The following MAD1L1 variants were observed in gnomAD, a reference collection of about 807,000 sequenced individuals.
MAD1L1 encodes the protein mitotic spindle assembly checkpoint protein MAD1.
In MAD1L1, 95 loss-of-function variants were observed where a neutral mutation model predicts 96.9. The observed-to-expected ratio is 0.98, with a 90% CI of 0.83 to 1.16. The LOEUF (loss-of-function observed/expected upper bound fraction) is 1.16, where lower values mean the gene tolerates loss of function less well. MAD1L1 is among the 50% of genes most tolerant of loss of function. The probability of loss-of-function intolerance (pLI) is 0.00; values close to 1 mark genes in which losing one functional copy is unlikely to be tolerated. For synonymous variants in MAD1L1, 473 were observed against 396.6 expected (o/e 1.19, Z -2.29); for missense variants, 1,007 against 954.4 (o/e 1.06, Z -0.73).
intron 12 of MAD1L1, among the ~76,000 whole-genome samples, chr7:2,061,966 C>T (rs984595958): frequency 1.3e-5 from 2 of 152,158 alleles, no homozygotes; most frequent in African/African-American, 2.4e-5. Context: ...GTGGGCCAGG[C>T]GCAGTGGCTC....
At chr7:2,152,441 G>A (rs544822481) in intron 10 of MAD1L1, among the ~76,000 whole-genome samples, 1 of 152,192 alleles carries the variant, frequency 6.6e-6, no homozygotes. Context: ...TCACCACTTT[G>A]GCTAAACCAA....
chr7:2,063,378 G>A (rs921462174), intron 12 of MAD1L1, among the ~76,000 whole-genome samples: 5 of 152,186 alleles, frequency 3.3e-5, no homozygotes, highest in African/African-American at 1.2e-4. Context: ...GGAAGATCAG[G>A]GCTTTGAAAT....
Position 1,957,568 on chromosome 7 carries a change from C to T in MAD1L1, c.1596+61G>A, listed in dbSNP as rs10238700. ...TGGCAGCAGGAACCACGGTCGTTCACGACGCCCAAAGAAATGAGAGGCCCA... is the reference window on the plus strand; with the variant it reads ...TGGCAGCAGGAACCACGGTCGTTCATGACGCCCAAAGAAATGAGAGGCCCA... On this transcript the variant is annotated intron_variant, in intron 16 of 18. Transcript: ENST00000265854. 1,076 of 1,533,488 alleles carry T rather than the reference C, an allele frequency of 7.0e-4. 7 individuals carry two copies. In the African/African-American group the frequency reaches 0.013, roughly 18 times the overall value. The allele number at this position is 1,533,488 out of a possible 1,614,324, so 95.0% of individuals were successfully genotyped here.
intron 17 of MAD1L1, among the ~76,000 whole-genome samples, chr7:1,899,339 C>T (rs1583702004): frequency 2.0e-5 from 3 of 152,220 alleles, no homozygotes; most frequent in African/African-American, 7.2e-5. Context: ...CCCAGCAGTG[C>T]TGTCTGGAGC....
rs544445855 is a variant in MAD1L1, at chr7:2,067,537, C to T, written c.1218+1657G>A. ...AACACAGTGTCGCCCCCTCTGCTTC[C>T]CGGGCCTCTCCTCGGCGGCAGGGTC... is the stretch of plus-strand genomic sequence containing the variant. On this transcript the variant is annotated intron_variant, in intron 12 of 18. Transcript: ENST00000265854. Among the ~76,000 whole-genome samples, 13 of 152,316 alleles carry T rather than the reference C, an allele frequency of 8.5e-5. No homozygotes were observed. In the South Asian group the frequency reaches 1.9e-3, roughly 22 times the overall value.
At chr7:2,031,611 C>T (rs759060111) in intron 12 of MAD1L1, among the ~76,000 whole-genome samples, 2 of 152,248 alleles carry the variant, frequency 1.3e-5, no homozygotes, top group East Asian at 1.9e-4. Flanking sequence ...TGCGCTATGA[C>T]GACGTGGGTG....
intron 10 of MAD1L1, among the ~76,000 whole-genome samples, chr7:2,211,143 G>A (rs1321945117): frequency 6.6e-6 from 1 of 152,136 alleles, no homozygotes; most frequent in African/African-American, 2.4e-5. Context: ...ACTTTAAGCT[G>A]GTGGTGGGCA....
chr7:1,875,506 CT>C, intron 18 of MAD1L1, among the ~76,000 whole-genome samples: 1 of 152,340 alleles, frequency 6.6e-6, no homozygotes, highest in Admixed American at 6.5e-5. Context: ...ACTAACTCCC[CT>C]GCTGGCAGAA....
chr7:2,104,098 A>G (rs534012277), intron 11 of MAD1L1, among the ~76,000 whole-genome samples: 4 of 152,368 alleles, frequency 2.6e-5, no homozygotes, highest in East Asian at 1.9e-4. Flanking sequence ...ACAACAGGCC[A>G]TATCTGTTAT....
rs367800648 is a variant in MAD1L1 at position 2,230,064 on chromosome 7, G to A, written c.70C>T (p.Arg24Cys). The A allele has an allele frequency of 1.9e-5, 30 of 1,612,930 alleles. No individual in the cohort carries two copies. Among genetic ancestry groups the A allele is most frequent in the South Asian group, 5.5e-5 (5 of 90,820 alleles). ...TCCAGTCCAGAGCCTCCCTCCACACGCTGAGAGATGAAGTTGTTCAAAGAT... is the reference window on the plus strand; with the variant it reads ...TCCAGTCCAGAGCCTCCCTCCACACACTGAGAGATGAAGTTGTTCAAAGAT... ...LRSLNNFISQ[R>C]VEGGSGLDIS... Residue 24 changes from arginine to cysteine, a missense_variant, in exon 3 of 19, where the codon CGT becomes TGT. Arg to Cys is a radical substitution (Grantham distance 180). Transcript: ENST00000265854.
intron 11 of MAD1L1, among the ~76,000 whole-genome samples, chr7:2,095,714 A>C (rs1428466919): frequency 4.6e-5 from 7 of 152,250 alleles, no homozygotes; most frequent in Non-Finnish European, 1.0e-4. Flanking sequence ...ACAGGGACAC[A>C]CAGGCGCACA....
At chr7:2,034,566 A>G (rs1783382231) in intron 12 of MAD1L1, among the ~76,000 whole-genome samples, 1 of 152,194 alleles carries the variant, frequency 6.6e-6, no homozygotes, top group South Asian at 2.1e-4. Context: ...ACAGCCAAAA[A>G]AGATTTTATT....
chr7:1,985,265 C>T (rs1227196807), intron 14 of MAD1L1, among the ~76,000 whole-genome samples: 1 of 152,270 alleles, frequency 6.6e-6, no homozygotes, highest in African/African-American at 2.4e-5. Context: ...GGCGACCGTT[C>T]CTCCCTTGCC....
intron 17 of MAD1L1, among the ~76,000 whole-genome samples, chr7:1,913,662 C>A (rs1788164956): frequency 6.6e-6 from 1 of 152,050 alleles, no homozygotes; most frequent in Admixed American, 6.6e-5. Context: ...TGATTTACAG[C>A]TGCTATGGGG....
At chr7:2,173,648 C>T (rs1382243703) in intron 10 of MAD1L1, among the ~76,000 whole-genome samples, 1 of 152,184 alleles carries the variant, frequency 6.6e-6, no homozygotes, top group African/African-American at 2.4e-5. Flanking sequence ...GAGGACTGAG[C>T]ACCATCTGCC....
chr7:2,166,955 G>A (rs1790458194), intron 10 of MAD1L1, among the ~76,000 whole-genome samples: 1 of 152,236 alleles, frequency 6.6e-6, no homozygotes, highest in Non-Finnish European at 1.5e-5. Flanking sequence ...CGGGCTGCTG[G>A]AGACTGAACC....
intron 16 of MAD1L1, among the ~76,000 whole-genome samples, chr7:1,938,750 A>G (rs147884921): frequency 0.52 from 74,350 of 142,566 alleles, 18,082 homozygotes; most frequent in South Asian, 0.64. Flanking sequence ...GCGCACGCAC[A>G]CACACACACA....
chr7:1,838,124 A>G (rs1197138704), intron 18 of MAD1L1, among the ~76,000 whole-genome samples: 2 of 152,112 alleles, frequency 1.3e-5, no homozygotes, highest in African/African-American at 4.8e-5. Flanking sequence ...CCACGCCAAC[A>G]CCCACTTCAC....
intron 18 of MAD1L1, among the ~76,000 whole-genome samples, chr7:1,824,872 C>T (rs963576868): frequency 6.6e-6 from 1 of 151,946 alleles, no homozygotes; most frequent in African/African-American, 2.4e-5. Flanking sequence ...ATGGGGCGAG[C>T]CGGGGAGAAG....
Sources: allele counts gnomAD v4.1 joint callset (sites outside exome capture counted in the v4.1 genomes callset), GRCh38; gene constraint gnomAD v4.1.1; transcripts MANE v1.5; gene names NCBI Gene and HGNC (gene_info 2026-07-23, HGNC 2026-07-21).